Variants in CADM2 observed in about 807,000 individuals in gnomAD.
CADM2 encodes the protein cell adhesion molecule 2, also known as immunoglobulin superfamily member 4D.
A neutral mutation model predicts 49.8 loss-of-function variants in CADM2; 12 were observed. That is an observed-to-expected ratio of 0.24 (90% CI 0.15 to 0.39). CADM2 has a LOEUF of 0.39. Ranked by LOEUF, CADM2 falls within the 10% of genes least tolerant of loss-of-function variation. CADM2 has a pLI of 1.00. For synonymous variants in CADM2, 214 were observed against 175.4 expected (o/e 1.22, Z -1.74); for missense variants, 378 against 492.3 (o/e 0.77, Z 2.20).
Position 85,409,552 on chromosome 3 carries a change from G to T in CADM2, c.62-316970G>T, listed in dbSNP as rs556948143. The stretch of plus-strand genomic sequence containing the variant: ...GAAATTCAAATTTTATATTGCCACA[G>T]ATAATGAATCACCAAGGACATCAAA... On this transcript the variant is annotated intron_variant, in intron 1 of 9. Transcript: ENST00000383699. Among the ~76,000 whole-genome samples, 330 of 152,184 alleles carry T rather than the reference G, an allele frequency of 2.2e-3. 2 individuals are homozygous for T. Among genetic ancestry groups the T allele is most frequent in the African/African-American group, 7.6e-3 (316 of 41,544 alleles).
intron 1 of CADM2, among the ~76,000 whole-genome samples, chr3:85,502,790 T>C (rs138531708): frequency 1.4e-3 from 220 of 152,276 alleles, no homozygotes; most frequent in African/African-American, 5.0e-3. Flanking sequence ...AGCTAACTAG[T>C]AATCTTAAGT....
intron 1 of CADM2, among the ~76,000 whole-genome samples, chr3:85,681,129 A>G (rs1449662641): frequency 2.0e-5 from 3 of 152,166 alleles, no homozygotes; most frequent in Non-Finnish European, 4.4e-5. Context: ...ACCACTGCAT[A>G]CAAGAATAGA....
At chr3:85,646,031 C>T (rs1308929552) in intron 1 of CADM2, among the ~76,000 whole-genome samples, 1 of 151,728 alleles carries the variant, frequency 6.6e-6, no homozygotes, top group Non-Finnish European at 1.5e-5. Context: ...TGTTGATGTC[C>T]CTGATCAATG....
chr3:85,564,024 G>A (rs1477264441), intron 1 of CADM2, among the ~76,000 whole-genome samples: 3 of 152,022 alleles, frequency 2.0e-5, no homozygotes, highest in Non-Finnish European at 2.9e-5. Context: ...TTAATTGTTT[G>A]TTTTGCCTTT....
At chr3:85,685,996 A>G (rs924499176) in intron 1 of CADM2, among the ~76,000 whole-genome samples, 1 of 152,290 alleles carries the variant, frequency 6.6e-6, no homozygotes, top group Admixed American at 6.5e-5. Flanking sequence ...TTACGTGGCT[A>G]TAGAGAGTGT....
At chr3:85,189,685 T>C (rs1018214810) in intron 1 of CADM2, among the ~76,000 whole-genome samples, 3 of 152,190 alleles carry the variant, frequency 2.0e-5, no homozygotes, top group African/African-American at 7.2e-5. Flanking sequence ...CTTTTCTTAT[T>C]TGATAATTCT....
intron 8 of CADM2, among the ~76,000 whole-genome samples, chr3:86,050,493 G>C (rs1267490351): frequency 6.6e-6 from 1 of 152,182 alleles, no homozygotes; most frequent in African/African-American, 2.4e-5. Context: ...TGCCCCAGTG[G>C]GGACTCTGTG....
At chr3:85,523,586 A>AT (rs1341858973) in intron 1 of CADM2, among the ~76,000 whole-genome samples, 4 of 151,940 alleles carry the variant, frequency 2.6e-5, no homozygotes, top group Admixed American at 6.6e-5. Flanking sequence ...GATATCTGAA[A>AT]TTTTTTTCTG....
intron 1 of CADM2, among the ~76,000 whole-genome samples, chr3:85,559,049 T>G (rs1449372): frequency 0.51 from 77,798 of 151,854 alleles, 23,008 homozygotes; most frequent in East Asian, 0.85. Flanking sequence ...TTTTTGTTAT[T>G]CATACACTTT....
chr3:85,581,016 G>T (rs1432869561), intron 1 of CADM2, among the ~76,000 whole-genome samples: 1 of 151,694 alleles, frequency 6.6e-6, no homozygotes, highest in Non-Finnish European at 1.5e-5. Flanking sequence ...TATGACGTTT[G>T]GTTTTTTGTT....
chr3:85,839,227 G>A (rs1047264182), intron 3 of CADM2, among the ~76,000 whole-genome samples: 4 of 151,642 alleles, frequency 2.6e-5, no homozygotes, highest in African/African-American at 4.8e-5. Context: ...AAGCTGCTCC[G>A]ATTTTTTTCC....
intron 1 of CADM2, among the ~76,000 whole-genome samples, chr3:85,717,408 T>C (rs918911700): frequency 3.5e-4 from 53 of 152,198 alleles, no homozygotes; most frequent in Non-Finnish European, 2.2e-4. Flanking sequence ...GATGATGGGC[T>C]TTTCTAAATA....
chr3:85,929,249 A>G (rs1050706815), intron 6 of CADM2, among the ~76,000 whole-genome samples: 3 of 152,162 alleles, frequency 2.0e-5, no homozygotes, highest in South Asian at 2.1e-4. Flanking sequence ...AGAGGAAAAT[A>G]GAGGAATTAT....
chr3:85,046,257 G>A (rs1015610742), intron 1 of CADM2, among the ~76,000 whole-genome samples: 5 of 150,852 alleles, frequency 3.3e-5, no homozygotes, highest in Non-Finnish European at 7.4e-5. Context: ...GCATACAAAG[G>A]TTCAGTAAAC....
intron 1 of CADM2, among the ~76,000 whole-genome samples, chr3:85,116,328 A>G (rs1384304303): frequency 6.6e-6 from 1 of 152,194 alleles, no homozygotes; most frequent in Non-Finnish European, 1.5e-5. Context: ...CCGTCTCAAA[A>G]CAAACAAACA....
At chr3:85,030,536 A>C (rs1474051917) in intron 1 of CADM2, among the ~76,000 whole-genome samples, 1 of 152,160 alleles carries the variant, frequency 6.6e-6, no homozygotes, top group African/African-American at 2.4e-5. Context: ...GTTTTTATGA[A>C]CTTTTGAGCC....
chr3:85,550,530 A>G (rs1460865267), intron 1 of CADM2, among the ~76,000 whole-genome samples: 1 of 152,184 alleles, frequency 6.6e-6, no homozygotes, highest in Non-Finnish European at 1.5e-5. Context: ...TGAGTCTGGT[A>G]CACTCTCAAG....
At chr3:85,229,140 A>G (rs1019666462) in intron 1 of CADM2, among the ~76,000 whole-genome samples, 2 of 152,124 alleles carry the variant, frequency 1.3e-5, no homozygotes, top group African/African-American at 4.8e-5. Context: ...GGCCTCAGCA[A>G]TGGTGGACGA....
intron 1 of CADM2, among the ~76,000 whole-genome samples, chr3:85,208,598 C>T (rs1437268795): frequency 6.6e-6 from 1 of 152,072 alleles, no homozygotes; most frequent in Non-Finnish European, 1.5e-5. Flanking sequence ...GACAAATCTA[C>T]ATATTGAAAG....
Sources: allele counts gnomAD v4.1 joint callset (sites outside exome capture counted in the v4.1 genomes callset), GRCh38; gene constraint gnomAD v4.1.1; transcripts MANE v1.5; gene names NCBI Gene and HGNC (gene_info 2026-07-23, HGNC 2026-07-21).